The following RAPGEF5 variants were observed in gnomAD, a reference collection of about 807,000 sequenced individuals.
RAPGEF5 encodes M-Ras-regulated GEF.
A neutral mutation model predicts 125.2 loss-of-function variants in RAPGEF5; 65 were observed. That is an observed-to-expected ratio of 0.52 (90% CI 0.43 to 0.64). The LOEUF (loss-of-function observed/expected upper bound fraction) is 0.64, where lower values mean the gene tolerates loss of function less well. Among genes scored for constraint, RAPGEF5 ranks in the 30% least tolerant of loss-of-function variants. The probability of loss-of-function intolerance (pLI) is 0.00; values close to 1 mark genes in which losing one functional copy is unlikely to be tolerated. For synonymous variants in RAPGEF5, 391 were observed against 385.9 expected, an observed-to-expected ratio of 1.01 and a Z score of -0.16; for missense variants, 958 against 1,048.1, an observed-to-expected ratio of 0.91 and a Z score of 1.19.
intron 6 of RAPGEF5, among the ~76,000 whole-genome samples, chr7:22,288,524 TTC>T (rs1447241723): frequency 7.9e-6 from 1 of 126,248 alleles, no homozygotes; most frequent in East Asian, 2.8e-4. Flanking sequence ...TTCTTTTCTT[TTC>T]TTTTTTTTTT....
In RAPGEF5 at chr7:22,121,052, G is replaced by C. The variant is rs538064956; in HGVS notation, c.*1354C>G. The C allele has an allele frequency of 6.6e-6, 1 of 152,286 alleles. No individual in the cohort carries two copies. Among genetic ancestry groups the C allele is most frequent in the Middle Eastern group, 3.4e-3 (1 of 294 alleles). 9.4% of individuals were successfully genotyped at this position (152,286 alleles called of 1,614,324 possible). On this transcript the variant is annotated 3_prime_UTR_variant, in exon 26 of 26. Coordinates refer to ENST00000665637, the MANE Select transcript of RAPGEF5 (RefSeq NM_012294.5). ...CCCTTGCATTTTAGCAAGGTGACAA[G>C]TATCTAGCAGGCAGGGGTGGATTTC...
At chr7:22,288,555 C>T (rs1187368372) in intron 6 of RAPGEF5, among the ~76,000 whole-genome samples, 1 of 149,694 alleles carries the variant, frequency 6.7e-6, no homozygotes, top group African/African-American at 2.5e-5. Context: ...CGGAGTCTCG[C>T]TCTTTCGCCC....
chr7:22,321,439 C>T (rs1166855141), intron 1 of RAPGEF5, among the ~76,000 whole-genome samples: 1 of 152,154 alleles, frequency 6.6e-6, no homozygotes, highest in African/African-American at 2.4e-5. Context: ...GCATATTTTT[C>T]ATTAGTCCTT....
At chr7:22,243,618 A>C (rs901996663) in intron 7 of RAPGEF5, among the ~76,000 whole-genome samples, 1 of 152,210 alleles carries the variant, frequency 6.6e-6, no homozygotes, top group Non-Finnish European at 1.5e-5. Flanking sequence ...TTTAATTTTT[A>C]ATTGACAAAT....
chr7:22,187,723 C>A (rs182550157), intron 11 of RAPGEF5, among the ~76,000 whole-genome samples: 48 of 152,258 alleles, frequency 3.2e-4, no homozygotes, highest in African/African-American at 1.1e-3. Context: ...CAGGGGCCAG[C>A]GGACATGAGG....
At chr7:22,285,823 G>A (rs1424004401) in intron 6 of RAPGEF5, among the ~76,000 whole-genome samples, 3 of 152,280 alleles carry the variant, frequency 2.0e-5, no homozygotes, top group East Asian at 1.9e-4. Context: ...CTTATGAAAA[G>A]GAATTTAGAA....
intron 7 of RAPGEF5, among the ~76,000 whole-genome samples, chr7:22,243,201 A>G (rs1250323104): frequency 6.6e-6 from 1 of 152,180 alleles, no homozygotes; most frequent in East Asian, 1.9e-4. Flanking sequence ...AAGACTGTCA[A>G]ATAACGAAAC....
At chr7:22,294,443 T>C (rs543038163) in intron 5 of RAPGEF5, among the ~76,000 whole-genome samples, 1 of 152,202 alleles carries the variant, frequency 6.6e-6, no homozygotes, top group Admixed American at 6.5e-5. Flanking sequence ...GTTCAAGAGG[T>C]CTGCAATATC....
At chr7:22,249,405 G>C (rs1786561915) in intron 7 of RAPGEF5, among the ~76,000 whole-genome samples, 1 of 151,940 alleles carries the variant, frequency 6.6e-6, no homozygotes, top group African/African-American at 2.4e-5. Flanking sequence ...GGCCAGGCTG[G>C]TCTCAAACCC....
chr7:22,246,810 A>G (rs1357223823), intron 7 of RAPGEF5, among the ~76,000 whole-genome samples: 2 of 152,244 alleles, frequency 1.3e-5, no homozygotes, highest in East Asian at 1.9e-4. Context: ...CATGGGGGAA[A>G]ATATTTGCAA....
chr7:22,154,727 T>TGTGTTATACTG, intron 16 of RAPGEF5, 123 bp from the exon 17 acceptor site: 3 of 1,042,512 alleles, frequency 2.9e-6, no homozygotes, highest in Non-Finnish European at 4.1e-6. Context: ...CTCTTCAGTA[T>TGTGTTATACTG]AACACATACA....
intron 7 of RAPGEF5, among the ~76,000 whole-genome samples, chr7:22,261,184 A>G (rs563518493): frequency 6.6e-6 from 1 of 152,342 alleles, no homozygotes; most frequent in East Asian, 1.9e-4. Flanking sequence ...GGAAAAGGGC[A>G]CAAAGAGATA....
At chr7:22,193,690 C>T in intron 10 of RAPGEF5, 2 of 1,551,102 alleles carry the variant, frequency 1.3e-6, no homozygotes, top group South Asian at 2.4e-5. Context: ...AAGGCATCCC[C>T]TAAATGCTAA....
intron 7 of RAPGEF5, among the ~76,000 whole-genome samples, chr7:22,258,624 C>CAAAAAA (rs34352575): frequency 8.3e-4 from 38 of 45,808 alleles, no homozygotes; most frequent in African/African-American, 1.1e-3. Context: ...AACTCCGTCT[C>CAAAAAA]AAAAAAAAAA....
intron 11 of RAPGEF5, chr7:22,191,591 C>G: frequency 2.1e-6 from 1 of 471,152 alleles, no homozygotes; most frequent in Non-Finnish European, 4.4e-6. Context: ...GTCCGCTTGG[C>G]TTTGTGAGCA....
rs1339329573 is a variant in RAPGEF5, at chr7:22,168,457, T to A, written c.1205-1309A>T. On this transcript the variant is annotated intron_variant, in intron 11 of 25. Coordinates refer to ENST00000665637, the MANE Select transcript of RAPGEF5 (RefSeq NM_012294.5). ...TTAAGCTTCCCAGGCTATGGTATTT[T>A]GTTATAGCAGCTTGAGCTGACTAAG... Among the ~76,000 whole-genome samples, 3 of 152,220 alleles carry A rather than the reference T, an allele frequency of 2.0e-5. 1 individual carries two copies. Among genetic ancestry groups the A allele is most frequent in the Non-Finnish European group, 4.4e-5 (3 of 68,030 alleles).
intron 7 of RAPGEF5, among the ~76,000 whole-genome samples, chr7:22,260,704 A>G (rs766318042): frequency 6.6e-6 from 1 of 152,172 alleles, no homozygotes; most frequent in Non-Finnish European, 1.5e-5. Context: ...ATAATAATCT[A>G]TAAGGTAAAT....
intron 1 of RAPGEF5, among the ~76,000 whole-genome samples, chr7:22,351,160 T>G (rs547169968): frequency 6.6e-6 from 1 of 152,202 alleles, no homozygotes; most frequent in Non-Finnish European, 1.5e-5. Flanking sequence ...TGTTTGTTTG[T>G]TTTTTGTAGC....
chr7:22,190,031 C>T (rs550734327), intron 11 of RAPGEF5, among the ~76,000 whole-genome samples: 1 of 152,250 alleles, frequency 6.6e-6, no homozygotes, highest in East Asian at 1.9e-4. Context: ...CATGTAATCC[C>T]AGCACTTTAG....
Sources: allele counts gnomAD v4.1 joint callset (sites outside exome capture counted in the v4.1 genomes callset), GRCh38; gene constraint gnomAD v4.1.1; transcripts MANE v1.5; gene names NCBI Gene and HGNC (gene_info 2026-07-23, HGNC 2026-07-21).